The following AQP2 variants were observed in gnomAD, a reference collection of about 807,000 sequenced individuals.
AQP2 encodes aquaporin 2, also known as aquaporin-2.
Under a neutral mutation model 21.6 loss-of-function variants are expected in AQP2, and 20 were observed. The ratio of observed to expected loss-of-function variants is 0.92; its 90% CI spans 0.65 to 1.34. AQP2 has a LOEUF of 1.34. Among genes scored for constraint, AQP2 ranks in the 40% most tolerant of loss-of-function variants. The probability of loss-of-function intolerance (pLI) is 0.00; values close to 1 mark genes in which losing one functional copy is unlikely to be tolerated. For synonymous variants in AQP2, 168 were observed against 166.9 expected (o/e 1.01, Z -0.05); for missense variants, 325 against 363.4 (o/e 0.89, Z 0.86).
At position 49,955,399 on chromosome 12, in the gene AQP2, GTCT is replaced by G; in HGVS notation, c.611_613del (p.Phe204del). The stretch of plus-strand genomic sequence containing the variant: ...AGCCGCCCTCTCCGCTCGCCCCCAG[GTCT>G]TCTGGATCGGACCCCTGGTGGGCGC... On this transcript the variant is annotated inframe_deletion and splice_region_variant, in exon 4 of 4. Transcript: ENST00000199280. The G allele has an allele frequency of 6.2e-7, 1 of 1,612,172 alleles. No homozygotes were observed. Among genetic ancestry groups the G allele is most frequent in the Non-Finnish European group, 8.5e-7 (1 of 1,179,522 alleles).
chr12:49,951,294 T>C, intron 1 of AQP2, 104 bp downstream of exon 1: 11 of 1,434,450 alleles, frequency 7.7e-6, no homozygotes, highest in Non-Finnish European at 1.0e-5. Flanking sequence ...GGGAGAGAGA[T>C]GGAGACAGAG....
At chr12:49,953,956 TG>T (rs1947347439) in intron 1 of AQP2, among the ~76,000 whole-genome samples, 198 bp from the exon 2 acceptor site, 1 of 152,088 alleles carries the variant, frequency 6.6e-6, no homozygotes, top group South Asian at 2.1e-4. Flanking sequence ...ATGGGCATCC[TG>T]GGGGATCAGG....
At position 49,957,276 on chromosome 12, in the gene AQP2, C is replaced by T. The variant is rs1236305858; in HGVS notation, c.*1668C>T. 6.6e-6 allele frequency: 1 copy of T among 152,256 alleles called. No homozygotes were observed. The allele number at this position is 152,256 out of a possible 1,614,324, so 9.4% of individuals were successfully genotyped here. On this transcript the variant is annotated 3_prime_UTR_variant, in exon 4 of 4. Coordinates refer to ENST00000199280, the MANE Select transcript of AQP2 (RefSeq NM_000486.6). ...GGCCCAGCCTCTTAACCTCTTCTTA[C>T]CCTGAATGTGTGCCCTATCTTTTCT...
chr12:49,951,262 G>A, intron 1 of AQP2, 72 bp downstream of exon 1: 2 of 1,513,214 alleles, frequency 1.3e-6, no homozygotes, highest in Non-Finnish European at 1.8e-6. Context: ...TGAGATGGGA[G>A]GGATGGGCTC....
At chr12:49,954,568 A>AC in intron 2 of AQP2, 62 bp from the exon 3 acceptor site, 3 of 1,579,082 alleles carry the variant, frequency 1.9e-6, no homozygotes, top group Non-Finnish European at 2.6e-6. Context: ...GCAGTGCGGG[A>AC]CAAGGACTTC....
intron 1 of AQP2, 88 bp from the exon 2 acceptor site, chr12:49,954,067 G>C (rs1305030729): frequency 1.3e-6 from 2 of 1,561,150 alleles, no homozygotes; most frequent in Non-Finnish European, 1.7e-6. Flanking sequence ...GAGGCCCCCT[G>C]GTGCCTCGAC....
Position 49,950,883 on chromosome 12 carries a change from T to G in AQP2, c.53T>G (p.Leu18Arg), listed in dbSNP as rs1592814548. 1.2e-6 allele frequency: 2 copies of G among 1,613,860 alleles called. No individual in the cohort carries two copies. The highest frequency in any genetic ancestry group is 1.7e-6 in the Non-Finnish European group (2 of 1,179,718). Residue 18 changes from leucine to arginine, a missense_variant, in exon 1 of 4, where the codon CTG (leucine) becomes CGG (arginine). Transcript: ENST00000199280. ...TCCAGGGCTGTGTTCGCAGAGTTCC[T>G]GGCCACACTCCTCTTCGTCTTCTTT... The part of the protein sequence containing the change: ...AFSRAVFAEF[L>R]ATLLFVFFGL...
Position 49,951,306 on chromosome 12 carries a change from CAG to C in AQP2, c.360+125_360+126del, listed in dbSNP as rs577589888. The stretch of plus-strand genomic sequence containing the variant: ...GTAGGGAGAGAGATGGAGACAGAGG[CAG>C]AGAGAGAGGCTGGAGCCAGGAACAC... On this transcript the variant is annotated intron_variant, in intron 1 of 3. Transcript: ENST00000199280. 3,834 of 1,392,616 alleles carry C rather than the reference CAG, an allele frequency of 2.8e-3. 12 individuals are homozygous for C. Among genetic ancestry groups the C allele is most frequent in the Non-Finnish European group, 2.9e-3 (3,065 of 1,050,294 alleles). 86.3% of individuals were successfully genotyped at this position (1,392,616 alleles called of 1,614,324 possible).
In AQP2 at chr12:49,955,949, T is replaced by C; in HGVS notation, c.*341T>C. The C allele has an allele frequency of 3.9e-6, 2 of 514,784 alleles. No individual in the cohort carries two copies. The highest frequency in any genetic ancestry group is 7.1e-6 in the Non-Finnish European group (2 of 280,910). The allele number at this position is 514,784 out of a possible 1,614,324, so 31.9% of individuals were successfully genotyped here. A position where few individuals can be genotyped will look rare whatever the true frequency, so the allele number is the denominator to read the frequency against. ...GGAGAGCCTGCACCCAGGTACTGAGTGGGGAGTGTACAGACCCCTGCCTTG... is the reference window on the plus strand; with the variant it reads ...GGAGAGCCTGCACCCAGGTACTGAGCGGGGAGTGTACAGACCCCTGCCTTG... On this transcript the variant is annotated 3_prime_UTR_variant, in exon 4 of 4. Coordinates refer to ENST00000199280, the MANE Select transcript of AQP2 (RefSeq NM_000486.6).
intron 1 of AQP2, among the ~76,000 whole-genome samples, chr12:49,953,914 G>A (rs1947347106): frequency 6.6e-6 from 1 of 152,108 alleles, no homozygotes; most frequent in African/African-American, 2.4e-5. Flanking sequence ...ATGGGCTACA[G>A]AGTCAGTTTT....
Position 49,954,655 on chromosome 12 carries a change from A to C in AQP2, c.551A>C (p.Asn184Thr). 1 of 1,614,094 alleles carries C rather than the reference A, an allele frequency of 6.2e-7. No homozygotes were observed. The highest frequency in any genetic ancestry group is 8.5e-7 in the Non-Finnish European group (1 of 1,180,002). ...ATCCATTACACCGGCTGCTCTATGA[A>C]TCCTGCCCGCTCCCTGGCTCCAGCT... The part of the protein sequence containing the change: ...LGIHYTGCSM[N>T]PARSLAPAVV... Residue 184 changes from asparagine to threonine, a missense_variant, in exon 3 of 4, where the codon AAT becomes ACT. Transcript: ENST00000199280.
At chr12:49,954,500 TA>T in intron 2 of AQP2, 129 bp from the exon 3 acceptor site, 1 of 1,295,828 alleles carries the variant, frequency 7.7e-7, no homozygotes, top group Non-Finnish European at 1.1e-6. Flanking sequence ...CATCTGTAAA[TA>T]AAACGTGATG....
intron 3 of AQP2, 100 bp downstream of exon 3, chr12:49,954,810 C>G: frequency 3.0e-6 from 4 of 1,337,764 alleles, no homozygotes; most frequent in Non-Finnish European, 3.2e-6. Context: ...GCAGCGGTAC[C>G]CCAAACCCTC....
Position 49,950,917 on chromosome 12 carries a change from C to T in AQP2, c.87C>T (p.Gly29=). The part of the protein sequence containing the change: ...ATLLFVFFGL[G]SALNWPQALP... ...TCCTCTTCGTCTTCTTTGGCCTCGG[C>T]TCTGCCCTCAACTGGCCACAGGCCC... is the stretch of plus-strand genomic sequence containing the variant. The change falls in exon 1 of 4, where the codon GGC becomes GGT. Residue 29 remains glycine (G), a synonymous_variant. Coordinates refer to ENST00000199280, the MANE Select transcript of AQP2 (RefSeq NM_000486.6). 6.2e-7 allele frequency: 1 copy of T among 1,614,218 alleles called. No individual in the cohort carries two copies. The highest frequency in any genetic ancestry group is 8.5e-7 in the Non-Finnish European group (1 of 1,180,020).
intron 3 of AQP2, among the ~76,000 whole-genome samples, chr12:49,955,100 G>A (rs1368352892): frequency 2.0e-5 from 3 of 152,164 alleles, no homozygotes; most frequent in Non-Finnish European, 4.4e-5. Context: ...ACCCCAGGAG[G>A]TAGACATTCT....
At chr12:49,954,452 C>A in intron 2 of AQP2, 133 bp downstream of exon 2, 1 of 1,222,150 alleles carries the variant, frequency 8.2e-7, no homozygotes, top group Non-Finnish European at 1.2e-6. Flanking sequence ...AGAGGTTTGA[C>A]TCCTAGATAC....
chr12:49,954,656 TC>T lies in AQP2; in HGVS notation c.554del (p.Pro185LeufsTer53), dbSNP rs1433363386. 6.2e-7 allele frequency: 1 copy of T among 1,614,072 alleles called. No homozygotes were observed. Among genetic ancestry groups the T allele is most frequent in the African/African-American group, 1.3e-5 (1 of 74,920 alleles). On this transcript the variant is annotated frameshift_variant, in exon 3 of 4. Coordinates refer to ENST00000199280, the MANE Select transcript of AQP2 (RefSeq NM_000486.6). LOFTEE classifies it high-confidence loss of function. Reference protein sequence around the residue: ...GIHYTGCSMNPARSLAPAVVT... With the variant: ...GIHYTGCSMNXARSLAPAVVT... Reference sequence around the variant, plus strand: ...TCCATTACACCGGCTGCTCTATGAATCCTGCCCGCTCCCTGGCTCCAGCTGT... The same window carrying T: ...TCCATTACACCGGCTGCTCTATGAATCTGCCCGCTCCCTGGCTCCAGCTGT...
chr12:49,951,420 A>C, intron 1 of AQP2: 1 of 634,794 alleles, frequency 1.6e-6, no homozygotes, highest in Non-Finnish European at 2.6e-6. Context: ...TTCCACCCTG[A>C]CCGTCGTGCA....
chr12:49,953,235 C>T (rs184792495), intron 1 of AQP2, among the ~76,000 whole-genome samples: 1 of 152,174 alleles, frequency 6.6e-6, no homozygotes, highest in Non-Finnish European at 1.5e-5. Context: ...GGGTTCTGAC[C>T]TGATGTCTCG....
Sources: gnomAD v4.1 joint callset for allele counts (sites outside exome capture counted in the v4.1 genomes callset) on GRCh38, gnomAD v4.1.1 for gene constraint, MANE v1.5 for transcripts, NCBI Gene and HGNC (gene_info 2026-07-23, HGNC 2026-07-21) for gene names.